THSD7A: variants seen among roughly 807,000 people sequenced by gnomAD.
THSD7A encodes the protein thrombospondin type-1 domain-containing protein 7A.
THSD7A carries 96 observed loss-of-function variants against 231.3 expected under a neutral mutation model. That is an observed-to-expected ratio of 0.41 (90% CI 0.35 to 0.49). The LOEUF is 0.49. Ranked by LOEUF, THSD7A falls within the 20% of genes least tolerant of loss-of-function variation. The probability of loss-of-function intolerance (pLI) is 0.05; values close to 1 mark genes in which losing one functional copy is unlikely to be tolerated. For synonymous variants in THSD7A, 940 were observed against 743.3 expected (o/e 1.26, Z -4.30); for missense variants, 2,290 against 2,070.2 (o/e 1.11, Z -2.06).
chr7:11,414,737 C>T (rs181858471), intron 17 of THSD7A, among the ~76,000 whole-genome samples: 49 of 152,302 alleles, frequency 3.2e-4, no homozygotes, highest in African/African-American at 1.2e-3. Context: ...CTTTTTAAGG[C>T]CTAAAATAAT....
chr7:11,781,140 AAGTC>A (rs1312754048), intron 1 of THSD7A, among the ~76,000 whole-genome samples: 5 of 152,134 alleles, frequency 3.3e-5, no homozygotes, highest in South Asian at 2.1e-4. Flanking sequence ...ACACTTCACA[AAGTC>A]AGGAGATAAA....
chr7:11,783,799 A>T (rs1230742406), intron 1 of THSD7A, among the ~76,000 whole-genome samples: 1 of 152,156 alleles, frequency 6.6e-6, no homozygotes, highest in African/African-American at 2.4e-5. Context: ...AGAAATAGGA[A>T]GGAAATACTG....
At chr7:11,735,734 C>T (rs774777639) in intron 1 of THSD7A, among the ~76,000 whole-genome samples, 1 of 151,848 alleles carries the variant, frequency 6.6e-6, no homozygotes, top group Admixed American at 6.6e-5. Context: ...TTGAAACAGT[C>T]TAATATAATG....
intron 1 of THSD7A, among the ~76,000 whole-genome samples, chr7:11,678,730 T>C (rs537923709): frequency 4.0e-4 from 60 of 151,870 alleles, no homozygotes; most frequent in Middle Eastern, 3.4e-3. Flanking sequence ...AAAAAATGCC[T>C]AGGACAAGAC....
At position 11,507,960 on chromosome 7, in the gene THSD7A, G is replaced by A. The variant is rs191170169; in HGVS notation, c.1823-25978C>T. On this transcript the variant is annotated intron_variant, in intron 6 of 27. Coordinates refer to ENST00000423059, the MANE Select transcript of THSD7A (RefSeq NM_015204.3). ...TTGACTCACAGTTCTGCATGGCAAG[G>A]GAGGCCTCAGGAAACTTAAAATCAT... Among the ~76,000 whole-genome samples the A allele has an allele frequency of 1.6e-3, 241 of 152,246 alleles. 1 individual carries two copies. The highest frequency in any genetic ancestry group is 5.6e-3 in the African/African-American group (232 of 41,546).
intron 7 of THSD7A, among the ~76,000 whole-genome samples, chr7:11,477,649 T>G (rs1303076868): frequency 6.6e-6 from 1 of 152,190 alleles, no homozygotes; most frequent in Non-Finnish European, 1.5e-5. Context: ...AACATTCAAG[T>G]TGGCTTCTGT....
chr7:11,376,005 A>G (rs1782257506), intron 27 of THSD7A, 127 bp from the exon 28 acceptor site: 1 of 760,626 alleles, frequency 1.3e-6, no homozygotes, highest in Admixed American at 2.4e-5. Flanking sequence ...CGTTGCCTAA[A>G]GTCTATCTAC....
chr7:11,481,272 AT>A (rs2128304668), intron 7 of THSD7A, among the ~76,000 whole-genome samples: 1 of 152,258 alleles, frequency 6.6e-6, no homozygotes, highest in East Asian at 1.9e-4. Context: ...TACATATGAG[AT>A]TTCTGGACCT....
chr7:11,651,491 CTATCTATCTAT>C (rs1782503044), intron 1 of THSD7A, among the ~76,000 whole-genome samples: 1 of 39,202 alleles, frequency 2.6e-5, no homozygotes, highest in Non-Finnish European at 8.7e-5. Context: ...TATCAACTAT[CTATCTATCTAT>C]CTATCTATCT....
chr7:11,788,694 C>G (rs1302921252), intron 1 of THSD7A, among the ~76,000 whole-genome samples: 1 of 152,018 alleles, frequency 6.6e-6, no homozygotes, highest in Non-Finnish European at 1.5e-5. Context: ...GGCTCTGGAT[C>G]AGACTGCTTT....
At chr7:11,429,939 A>G (rs1246845906) in intron 13 of THSD7A, among the ~76,000 whole-genome samples, 2 of 152,230 alleles carry the variant, frequency 1.3e-5, no homozygotes, top group Non-Finnish European at 2.9e-5. Flanking sequence ...TTTTCTTTCA[A>G]TACTTCTTAA....
In THSD7A at chr7:11,371,139, C is replaced by G. The variant is rs925586192; in HGVS notation, c.*4655G>C. 1.3e-5 allele frequency: 2 copies of G among 152,126 alleles called. No homozygotes were observed. Among genetic ancestry groups the G allele is most frequent in the Non-Finnish European group, 2.9e-5 (2 of 68,014 alleles). 9.4% of individuals were successfully genotyped at this position (152,126 alleles called of 1,614,324 possible). ...GTAGAAACACAGAAAAATAAAAATG[C>G]AAAATTAACTGTTTAGCATTAGTTT... On this transcript the variant is annotated 3_prime_UTR_variant, in exon 28 of 28. Coordinates refer to ENST00000423059, the MANE Select transcript of THSD7A (RefSeq NM_015204.3).
chr7:11,798,569 T>C (rs967804783), intron 1 of THSD7A, among the ~76,000 whole-genome samples: 3 of 152,030 alleles, frequency 2.0e-5, no homozygotes, highest in Non-Finnish European at 2.9e-5. Flanking sequence ...TGCTCACAAA[T>C]TGAGGACACC....
intron 13 of THSD7A, among the ~76,000 whole-genome samples, chr7:11,440,873 G>A (rs1784782599): frequency 1.3e-5 from 2 of 152,036 alleles, no homozygotes; most frequent in African/African-American, 2.4e-5. Flanking sequence ...GGTTTGAGAG[G>A]ATATACTCCA....
chr7:11,817,619 A>C (rs1389746376), intron 1 of THSD7A, among the ~76,000 whole-genome samples: 3 of 152,228 alleles, frequency 2.0e-5, no homozygotes, highest in Admixed American at 1.3e-4. Flanking sequence ...ACCAGTGAGC[A>C]GTTCACACTA....
intron 1 of THSD7A, among the ~76,000 whole-genome samples, chr7:11,698,086 C>G (rs1386844521): frequency 1.3e-5 from 2 of 151,316 alleles, no homozygotes; most frequent in African/African-American, 4.8e-5. Flanking sequence ...GATCTGCTGG[C>G]ATGTCTGATT....
intron 1 of THSD7A, among the ~76,000 whole-genome samples, chr7:11,752,542 T>C (rs1165288656): frequency 6.6e-6 from 1 of 152,072 alleles, no homozygotes; most frequent in Non-Finnish European, 1.5e-5. Context: ...GATTATTTTA[T>C]AGAGTGTGAT....
rs1784960737 is a variant in THSD7A at position 11,446,120 on chromosome 7, G to A, written c.3005C>T (p.Ala1002Val). 6.2e-7 allele frequency: 1 copy of A among 1,613,420 alleles called. No homozygotes were observed. The highest frequency in any genetic ancestry group is 1.3e-5 in the African/African-American group (1 of 74,946). Reference sequence around the variant, plus strand: ...GCCATTTTGATCGTAGCATGCCATTGCTTGGTAACGATATCCTTGTCCGCA... The same window carrying A: ...GCCATTTTGATCGTAGCATGCCATTACTTGGTAACGATATCCTTGTCCGCA... Reference protein sequence around the residue: ...KECGQGYRYQAMACYDQNGRL... With the variant: ...KECGQGYRYQVMACYDQNGRL... The change falls in exon 13 of 28, where the codon GCA (alanine) becomes GTA (valine). Residue 1002 changes from alanine to valine, a missense_variant. Transcript: ENST00000423059. This position sits in a 1 kb window ranked among gnomAD's most constrained non-coding sequence, Gnocchi z 4.0.
At chr7:11,409,336 G>T (rs552792599) in intron 19 of THSD7A, among the ~76,000 whole-genome samples, 3 of 152,168 alleles carry the variant, frequency 2.0e-5, no homozygotes, top group Non-Finnish European at 4.4e-5. Context: ...CTGAATGCAG[G>T]GTTGCACAGT....
Sources: gnomAD v4.1 joint callset for allele counts (sites outside exome capture counted in the v4.1 genomes callset) on GRCh38, gnomAD v4.1.1 for gene constraint, Gnocchi (gnomAD v3.1) non-coding constraint, MANE v1.5 for transcripts, NCBI Gene and HGNC (gene_info 2026-07-23, HGNC 2026-07-21) for gene names.